The following EDIL3 variants were observed in gnomAD, a reference collection of about 807,000 sequenced individuals.
The protein encoded by EDIL3 is EGF-like repeat and discoidin I-like domain-containing protein 3.
A neutral mutation model predicts 67.4 loss-of-function variants in EDIL3; 37 were observed. That is an observed-to-expected ratio of 0.55 (90% confidence interval 0.42 to 0.72). The LOEUF is 0.72. EDIL3 is among the 30% of genes least tolerant of loss of function. The probability of loss-of-function intolerance (pLI) is 0.00; values close to 1 mark genes in which losing one functional copy is unlikely to be tolerated. For missense variants in EDIL3, 527 were observed against 586.3 expected (o/e 0.90, Z 1.04); for synonymous variants, 195 against 196.3 (o/e 0.99, Z 0.05).
At chr5:84,052,722 A>G (rs1327713696) in intron 9 of EDIL3, among the ~76,000 whole-genome samples, 1 of 152,248 alleles carries the variant, frequency 6.6e-6, no homozygotes, top group Non-Finnish European at 1.5e-5. Context: ...AGGCCATTAC[A>G]TAACGGTGAA....
intron 8 of EDIL3, among the ~76,000 whole-genome samples, chr5:84,064,294 T>C (rs561208285): frequency 6.6e-6 from 1 of 152,320 alleles, no homozygotes; most frequent in East Asian, 1.9e-4. Flanking sequence ...AGATAAAGCT[T>C]ACTTTTCTGT....
At chr5:84,089,245 T>A (rs1747123196) in intron 6 of EDIL3, among the ~76,000 whole-genome samples, 1 of 152,188 alleles carries the variant, frequency 6.6e-6, no homozygotes, top group South Asian at 2.1e-4. Context: ...TTAATCCACT[T>A]CCACTCTCTA....
chr5:84,047,469 A>G lies in EDIL3; in HGVS notation c.1137+12831T>C, dbSNP rs139108163. 2.1e-3 allele frequency: 320 copies of G among 152,192 alleles called. 1 individual carries two copies. The highest frequency in any genetic ancestry group is 7.5e-3 in the African/African-American group (312 of 41,544). The allele number at this position is 152,192 out of a possible 1,614,324, so 9.4% of individuals were successfully genotyped here. On this transcript the variant is annotated intron_variant, in intron 9 of 10. Transcript: ENST00000296591. ...ATGTGTTATTCATTGTATAAAAGTT[A>G]ACTTTTTATAGGTCTATTTGAAGGT... is the stretch of plus-strand genomic sequence containing the variant.
chr5:84,180,026 A>G (rs540033588), intron 4 of EDIL3, among the ~76,000 whole-genome samples: 1 of 150,212 alleles, frequency 6.7e-6, no homozygotes, highest in Non-Finnish European at 1.5e-5. Context: ...TTTTCTGGGT[A>G]TCATCTCTGA....
At chr5:84,070,409 A>G (rs1218688001) in intron 6 of EDIL3, among the ~76,000 whole-genome samples, 1 of 152,148 alleles carries the variant, frequency 6.6e-6, no homozygotes, top group Non-Finnish European at 1.5e-5. Context: ...CACGCTCCCA[A>G]TGACCTGCCC....
intron 4 of EDIL3, among the ~76,000 whole-genome samples, chr5:84,138,648 T>C (rs1294726898): frequency 6.6e-6 from 1 of 152,142 alleles, no homozygotes; most frequent in African/African-American, 2.4e-5. Flanking sequence ...AATCTCAATT[T>C]TGCCCTTTCT....
intron 6 of EDIL3, among the ~76,000 whole-genome samples, chr5:84,087,749 G>A (rs554120859): frequency 2.0e-5 from 3 of 152,200 alleles, no homozygotes; most frequent in South Asian, 2.1e-4. Flanking sequence ...TGCTAGAAAA[G>A]AACAAGAAGC....
chr5:84,012,144 C>T (rs922609483), intron 9 of EDIL3, among the ~76,000 whole-genome samples: 6 of 152,152 alleles, frequency 3.9e-5, no homozygotes, highest in African/African-American at 1.2e-4. Context: ...GACAGCATAA[C>T]AGGGAGGTGT....
intron 1 of EDIL3, among the ~76,000 whole-genome samples, chr5:84,330,529 T>C (rs1746847232): frequency 6.6e-6 from 1 of 152,214 alleles, no homozygotes; most frequent in South Asian, 2.1e-4. Flanking sequence ...TGGTTTCTCA[T>C]ACTCAGCTTG....
At chr5:84,291,850 C>T (rs1745930979) in intron 1 of EDIL3, among the ~76,000 whole-genome samples, 1 of 149,106 alleles carries the variant, frequency 6.7e-6, no homozygotes, top group Admixed American at 6.7e-5. Flanking sequence ...TATATACCTA[C>T]AGGCCCTGGA....
intron 6 of EDIL3, among the ~76,000 whole-genome samples, chr5:84,101,591 T>C (rs1349663404): frequency 6.6e-6 from 1 of 152,054 alleles, no homozygotes; most frequent in East Asian, 1.9e-4. Flanking sequence ...GATAAATCCC[T>C]GGAAATATAC....
intron 6 of EDIL3, among the ~76,000 whole-genome samples, chr5:84,067,904 A>T (rs1396515757): frequency 2.0e-5 from 3 of 152,170 alleles, no homozygotes; most frequent in African/African-American, 7.2e-5. Flanking sequence ...TCCTTGAACA[A>T]TGCTAAGTGG....
intron 9 of EDIL3, among the ~76,000 whole-genome samples, chr5:83,964,765 C>T (rs1561387357): frequency 1.3e-5 from 2 of 152,000 alleles, no homozygotes; most frequent in Admixed American, 6.6e-5. Flanking sequence ...CAAAAGACCA[C>T]CTTTAATGCT....
chr5:84,125,635 A>G (rs185909789), intron 5 of EDIL3, among the ~76,000 whole-genome samples: 130 of 152,146 alleles, frequency 8.5e-4, no homozygotes, highest in African/African-American at 2.8e-3. Context: ...TAGAAATTTC[A>G]CTAAGTTAAC....
chr5:84,075,873 C>A (rs981121606), intron 6 of EDIL3, among the ~76,000 whole-genome samples: 1 of 134,560 alleles, frequency 7.4e-6, no homozygotes, highest in African/African-American at 2.8e-5. Context: ...AGTACAAACA[C>A]GTGCAAAAGT....
At chr5:84,328,761 C>T (rs1443427883) in intron 1 of EDIL3, among the ~76,000 whole-genome samples, 1 of 152,038 alleles carries the variant, frequency 6.6e-6, no homozygotes, top group Non-Finnish European at 1.5e-5. Flanking sequence ...AGGTAAAATT[C>T]AAGTAACTGT....
At chr5:84,200,540 GATA>G (rs1446965293) in intron 3 of EDIL3, among the ~76,000 whole-genome samples, 1 of 151,882 alleles carries the variant, frequency 6.6e-6, no homozygotes, top group Non-Finnish European at 1.5e-5. Flanking sequence ...TATCTTAAGT[GATA>G]ATATTTGATG....
At chr5:84,181,576 T>C (rs1749013623) in intron 3 of EDIL3, among the ~76,000 whole-genome samples, 1 of 152,198 alleles carries the variant, frequency 6.6e-6, no homozygotes, top group African/African-American at 2.4e-5. Flanking sequence ...GTCTGTAGGC[T>C]CATCCTATCT....
intron 4 of EDIL3, among the ~76,000 whole-genome samples, chr5:84,146,384 A>G (rs1314105507): frequency 6.6e-6 from 1 of 152,126 alleles, no homozygotes; most frequent in East Asian, 1.9e-4. Context: ...ATGTTTCACC[A>G]TCACTAGGGA....
Sources: gnomAD v4.1 joint callset for allele counts (sites outside exome capture counted in the v4.1 genomes callset) on GRCh38, gnomAD v4.1.1 for gene constraint, MANE v1.5 for transcripts, NCBI Gene and HGNC (gene_info 2026-07-23, HGNC 2026-07-21) for gene names.